Variants in ERI3 observed in about 807,000 individuals in gnomAD.
ERI3 encodes the protein ERI1 exoribonuclease 3.
A neutral mutation model predicts 44.4 loss-of-function variants in ERI3; 18 were observed. The ratio of observed to expected loss-of-function variants is 0.41; its 90% confidence interval spans 0.28 to 0.60. The LOEUF (loss-of-function observed/expected upper bound fraction) is 0.60. Ranked by LOEUF, ERI3 falls within the 20% of genes least tolerant of loss-of-function variation. The pLI is 0.36. For missense variants in ERI3, 294 were observed against 435.5 expected, an observed-to-expected ratio of 0.68 and a Z score of 2.89; for synonymous variants, 183 against 164.8, an observed-to-expected ratio of 1.11 and a Z score of -0.84.
intron 2 of ERI3, among the ~76,000 whole-genome samples, chr1:44,352,410 ATAGAT>A: frequency 5.2e-3 from 1 of 194 alleles, no homozygotes; most frequent in Non-Finnish European, 0.022. Flanking sequence ...GGTCTCATAG[ATAGAT>A]AGATAGATAG....
chr1:44,336,713 T>C (rs1646542739), intron 3 of ERI3, among the ~76,000 whole-genome samples: 1 of 152,248 alleles, frequency 6.6e-6, no homozygotes. Context: ...ATTTCCAAGA[T>C]CATTCGTATT....
intron 4 of ERI3, 78 bp from the exon 5 acceptor site, chr1:44,313,306 C>T: frequency 1.5e-6 from 2 of 1,356,766 alleles, no homozygotes; most frequent in East Asian, 4.7e-5. Flanking sequence ...CCCTTCCTTT[C>T]TGTTTTTCTC....
In ERI3 at chr1:44,237,921, G is replaced by C. The variant is rs139882943; in HGVS notation, c.931+10018C>G. On this transcript the variant is annotated intron_variant, in intron 8 of 8. Coordinates refer to ENST00000372257, the MANE Select transcript of ERI3 (RefSeq NM_024066.3). ...TCCCGGCGGCCGGCAGCACTACCTT[G>C]TCCTGTGCACAGGCTCACTGTAGCC... Among the ~76,000 whole-genome samples the C allele has an allele frequency of 1.7e-4, 26 of 152,096 alleles. 1 individual carries two copies. Among genetic ancestry groups the C allele is most frequent in the Middle Eastern group, 3.4e-3 (1 of 294 alleles).
intron 2 of ERI3, among the ~76,000 whole-genome samples, chr1:44,342,836 TA>T (rs1646696425): frequency 7.2e-5 from 2 of 27,598 alleles, no homozygotes; most frequent in African/African-American, 3.2e-4. Context: ...TATATATATA[TA>T]TATATATATA....
chr1:44,339,852 C>G lies in ERI3; in HGVS notation c.212-530G>C, dbSNP rs3813021. Among the ~76,000 whole-genome samples the G allele has an allele frequency of 2.6e-5, 4 of 152,192 alleles. No homozygotes were observed. The East Asian group carries it at 7.7e-4, about 29-fold the overall frequency. On this transcript the variant is annotated intron_variant, in intron 2 of 8. Transcript: ENST00000372257. ...CTGTATCTTGATGTCTCCACATACCCTCCTCCCCTCTCCCAAGGTGAAGGC... is the reference window on the plus strand; with the variant it reads ...CTGTATCTTGATGTCTCCACATACCGTCCTCCCCTCTCCCAAGGTGAAGGC...
intron 8 of ERI3, among the ~76,000 whole-genome samples, chr1:44,236,792 G>A (rs746454350): frequency 3.3e-5 from 5 of 152,042 alleles, no homozygotes; most frequent in Admixed American, 6.5e-5. Context: ...ACACTCTTCC[G>A]CCAAAATGAT....
chr1:44,269,405 C>G (rs951745312), intron 7 of ERI3, among the ~76,000 whole-genome samples: 8 of 152,228 alleles, frequency 5.3e-5, no homozygotes, highest in Non-Finnish European at 1.0e-4. Flanking sequence ...ATCTGCCCAC[C>G]TCTAGTGCCT....
intron 7 of ERI3, among the ~76,000 whole-genome samples, chr1:44,283,681 C>T (rs966003841): frequency 6.6e-6 from 1 of 152,202 alleles, no homozygotes; most frequent in Admixed American, 6.5e-5. Flanking sequence ...AGCACCTGTC[C>T]ACCAGTGGAA....
At chr1:44,287,290 C>A (rs545287831) in intron 6 of ERI3, among the ~76,000 whole-genome samples, 1 of 152,288 alleles carries the variant, frequency 6.6e-6, no homozygotes, top group East Asian at 1.9e-4. Flanking sequence ...GCGGAGATTA[C>A]AAGTGCAAAA....
intron 8 of ERI3, among the ~76,000 whole-genome samples, chr1:44,226,395 T>C (rs1644038995): frequency 6.6e-6 from 1 of 152,160 alleles, no homozygotes; most frequent in Non-Finnish European, 1.5e-5. Flanking sequence ...ATTATGATCC[T>C]AGATGTGAGG....
chr1:44,248,700 A>AGTGTGTGTGTGTGTGT (rs1292976718), intron 7 of ERI3, among the ~76,000 whole-genome samples: 6 of 106,502 alleles, frequency 5.6e-5, no homozygotes, highest in African/African-American at 2.9e-4. Flanking sequence ...TGTGTGAGAG[A>AGTGTGTGTGTGTGTGT]GAGTGTGTGT....
At chr1:44,222,367 G>A (rs187962747) in intron 8 of ERI3, among the ~76,000 whole-genome samples, 16 of 152,334 alleles carry the variant, frequency 1.1e-4, no homozygotes, top group East Asian at 7.7e-4. Context: ...ATACATCGGC[G>A]GAAGCCCTGC....
At chr1:44,285,250 T>C (rs1351405859) in intron 6 of ERI3, among the ~76,000 whole-genome samples, 5 of 152,234 alleles carry the variant, frequency 3.3e-5, no homozygotes, top group Admixed American at 6.5e-5. Flanking sequence ...GTTGTCTACA[T>C]TTTACAGACG....
intron 7 of ERI3, among the ~76,000 whole-genome samples, chr1:44,281,368 G>A (rs1443632014): frequency 1.3e-5 from 2 of 151,764 alleles, no homozygotes; most frequent in Non-Finnish European, 2.9e-5. Context: ...AGGGAGGACT[G>A]CTTGAGCCCA....
chr1:44,354,944 G>A lies in ERI3; in HGVS notation c.83C>T (p.Pro28Leu). The A allele has an allele frequency of 7.5e-7, 1 of 1,337,256 alleles. No homozygotes were observed. Among genetic ancestry groups the A allele is most frequent in the Non-Finnish European group, 9.6e-7 (1 of 1,036,432 alleles). The allele number at this position is 1,337,256 out of a possible 1,614,324, so 82.8% of individuals were successfully genotyped here. ...GGLVSWPPAP[P>L]LTLPWTWMGP... is the part of the protein sequence containing the mutation. The stretch of plus-strand genomic sequence containing the variant: ...CATCCAAGTCCAGGGGAGAGTAAGG[G>A]GAGGGGCGGGGGGCCAGGAGACCAG... The change falls in exon 1 of 9, where the codon CCC becomes CTC. Residue 28 changes from proline (P) to leucine (L), a missense_variant. Coordinates refer to ENST00000372257, the MANE Select transcript of ERI3 (RefSeq NM_024066.3).
chr1:44,318,481 G>T (rs1646135614), intron 4 of ERI3, among the ~76,000 whole-genome samples: 2 of 152,244 alleles, frequency 1.3e-5, no homozygotes, highest in African/African-American at 4.8e-5. Context: ...GGCAGAGGAA[G>T]GCGAAAACCA....
At chr1:44,296,605 A>C (rs1181338786) in intron 6 of ERI3, among the ~76,000 whole-genome samples, 1 of 152,178 alleles carries the variant, frequency 6.6e-6, no homozygotes, top group Non-Finnish European at 1.5e-5. Flanking sequence ...GTAACCCTAA[A>C]ACCCAAAACT....
chr1:44,312,083 A>G (rs532781224), intron 5 of ERI3, among the ~76,000 whole-genome samples: 1 of 151,962 alleles, frequency 6.6e-6, no homozygotes, highest in African/African-American at 2.4e-5. Flanking sequence ...TGCCTCTCTG[A>G]CCCTGGCTCC....
Position 44,221,689 on chromosome 1 carries a change from A to G in ERI3, c.932-49T>C, listed in dbSNP as rs757179793. The G allele has an allele frequency of 4.7e-5, 69 of 1,472,866 alleles. 1 individual carries two copies. Among genetic ancestry groups the G allele is most frequent in the Middle Eastern group, 3.5e-4 (2 of 5,774 alleles). The allele number at this position is 1,472,866 out of a possible 1,614,324, so 91.2% of individuals were successfully genotyped here. A position where few individuals can be genotyped will look rare whatever the true frequency, so the allele number is the denominator to read the frequency against. ...GATCAGCCCCAGATCCTTCCCCTCC[A>G]TGCCCACAGGTGCTCTTACAAGGGT... On this transcript the variant is annotated intron_variant, in intron 8 of 8. Transcript: ENST00000372257. This position sits in a 1 kb window ranked among gnomAD's most constrained non-coding sequence, Gnocchi z 5.9.
Sources: gnomAD v4.1 joint callset for allele counts (sites outside exome capture counted in the v4.1 genomes callset) on GRCh38, gnomAD v4.1.1 for gene constraint, Gnocchi (gnomAD v3.1) non-coding constraint, MANE v1.5 for transcripts, NCBI Gene and HGNC (gene_info 2026-07-23, HGNC 2026-07-21) for gene names.